The following VCAN variants were observed in gnomAD, a reference collection of about 807,000 sequenced individuals.
VCAN encodes versican core protein.
In VCAN, 44 loss-of-function variants were observed where a neutral mutation model predicts 245.5. The ratio of observed to expected loss-of-function variants is 0.18; its 90% CI spans 0.14 to 0.23. The LOEUF (loss-of-function observed/expected upper bound fraction) is 0.23, where lower values mean the gene tolerates loss of function less well. VCAN is among the 10% of genes least tolerant of loss of function. VCAN has a pLI of 1.00. For missense variants in VCAN, 3,793 were observed against 4,057.9 expected (o/e 0.93, Z 1.77); for synonymous variants, 1,413 against 1,437.0 (o/e 0.98, Z 0.38).
At chr5:83,559,702 G>A (rs1364252267) in intron 12 of VCAN, among the ~76,000 whole-genome samples, 1 of 152,074 alleles carries the variant, frequency 6.6e-6, no homozygotes, top group African/African-American at 2.4e-5. Context: ...AGGCTCCTGT[G>A]AAATCAACTT....
chr5:83,541,516 C>G lies in VCAN; in HGVS notation c.8513C>G (p.Ser2838Cys), dbSNP rs1369489958. The change falls in exon 8 of 15, where the codon TCT becomes TGT. Residue 2838 changes from serine (S) to cysteine (C), a missense_variant. Ser to Cys is a moderately radical substitution (Grantham distance 112, BLOSUM62 -1). Coordinates refer to ENST00000265077, the MANE Select transcript of VCAN (RefSeq NM_004385.5). ...ACTATCTACTCAGGCAGTGAAGCCT[C>G]TGGACACACAGAGATCCCCCAGCCC... Reference protein sequence around the residue: ...PLTIYSGSEASGHTEIPQPSA... With the variant: ...PLTIYSGSEACGHTEIPQPSA... The G allele has an allele frequency of 5.6e-6, 9 of 1,614,032 alleles. No homozygotes were observed. Among genetic ancestry groups the G allele is most frequent in the Non-Finnish European group, 7.6e-6 (9 of 1,180,016 alleles).
At position 83,539,174 on chromosome 5, in the gene VCAN, A is replaced by T; in HGVS notation, c.6171A>T (p.Arg2057Ser). 2 of 1,614,022 alleles carry T rather than the reference A, an allele frequency of 1.2e-6. No individual in the cohort carries two copies. The highest frequency in any genetic ancestry group is 1.7e-6 in the Non-Finnish European group (2 of 1,179,968). Residue 2057 changes from arginine to serine, a missense_variant, in exon 8 of 15, where the codon AGA (arginine) becomes AGT (serine). Around this residue, in one of 5 missense-constraint regions of VCAN, gnomAD observed 3,182 missense variants for 3,250.3 expected, o/e 0.98. Coordinates refer to ENST00000265077, the MANE Select transcript of VCAN (RefSeq NM_004385.5). ...GTACTGTCAATGAAATTGATAGAAG[A>T]TCCACCATTTTACCAACAGCAGAAG... ...EVGTVNEIDR[R>S]STILPTAEVE... is the part of the protein sequence containing the mutation.
At position 83,540,871 on chromosome 5, in the gene VCAN, A is replaced by G. The variant is rs141356119; in HGVS notation, c.7868A>G (p.Tyr2623Cys). 4.9e-5 allele frequency: 79 copies of G among 1,614,018 alleles called. No individual in the cohort carries two copies. The Middle Eastern group carries it at 4.9e-4, about 10-fold the overall frequency. The change falls in exon 8 of 15, where the codon TAT (tyrosine) becomes TGT (cysteine). Residue 2623 changes from tyrosine to cysteine, a missense_variant. Physicochemically the swap from Tyr to Cys is radical, Grantham distance 194. This residue lies in a region of VCAN where 3,182 missense variants were observed against 3,250.3 expected (regional missense o/e 0.98). Coordinates refer to ENST00000265077, the MANE Select transcript of VCAN (RefSeq NM_004385.5). The part of the protein sequence containing the change: ...NDDSTQVQEI[Y>C]EAAVNLSLTE... Reference sequence around the variant, plus strand: ...GACAGCACTCAAGTTCAAGAGATCTATGAGGCAGCTGTCAACCTTTCTTTA... The same window carrying G: ...GACAGCACTCAAGTTCAAGAGATCTGTGAGGCAGCTGTCAACCTTTCTTTA...
chr5:83,473,278 C>T (rs1422323051), intron 1 of VCAN, among the ~76,000 whole-genome samples: 4 of 152,128 alleles, frequency 2.6e-5, no homozygotes, highest in African/African-American at 7.2e-5. Flanking sequence ...CAGAGGAGAG[C>T]GGGGTAGAAA....
chr5:83,515,587 T>C (rs1392294738), intron 6 of VCAN, among the ~76,000 whole-genome samples: 1 of 152,252 alleles, frequency 6.6e-6, no homozygotes. Context: ...TTTCTTGTTT[T>C]ACAGTTTCAA....
At chr5:83,475,088 C>T (rs985172301) in intron 1 of VCAN, among the ~76,000 whole-genome samples, 6 of 152,132 alleles carry the variant, frequency 3.9e-5, no homozygotes, top group African/African-American at 1.4e-4. Context: ...AAAGAGTTCG[C>T]CTGGAATGGC....
chr5:83,483,385 T>A, intron 1 of VCAN, 128 bp from the exon 2 acceptor site: 1 of 735,350 alleles, frequency 1.4e-6, no homozygotes, highest in Non-Finnish European at 2.4e-6. Flanking sequence ...AGGAGCTACT[T>A]CTTCTACTCT....
At chr5:83,577,769 G>A (rs1361583789) in intron 13 of VCAN, among the ~76,000 whole-genome samples, 1 of 152,112 alleles carries the variant, frequency 6.6e-6, no homozygotes, top group Non-Finnish European at 1.5e-5. Context: ...ATACACAAGT[G>A]TTCAAATGAA....
intron 1 of VCAN, among the ~76,000 whole-genome samples, chr5:83,483,100 T>G (rs1744666781): frequency 6.6e-6 from 1 of 152,220 alleles, no homozygotes; most frequent in South Asian, 2.1e-4. Flanking sequence ...CTTGCTCTAT[T>G]TATGATCAGC....
chr5:83,536,374 A>C (rs1746706964), intron 7 of VCAN: 1 of 152,152 alleles, frequency 6.6e-6, no homozygotes. Flanking sequence ...TCTCAGTGCC[A>C]CAGTAGGTAG....
chr5:83,576,814 C>T (rs767116566), intron 13 of VCAN, among the ~76,000 whole-genome samples: 3 of 152,084 alleles, frequency 2.0e-5, no homozygotes, highest in Non-Finnish European at 2.9e-5. Context: ...TTTTTTGATA[C>T]GTCTCTCTGA....
rs751835963 is a variant in VCAN, at chr5:83,521,445, C to G, written c.3139C>G (p.Pro1047Ala). 1.2e-6 allele frequency: 2 copies of G among 1,614,098 alleles called. No homozygotes were observed. The highest frequency in any genetic ancestry group is 2.2e-5 in the South Asian group (2 of 91,080). The stretch of plus-strand genomic sequence containing the variant: ...AGAACAGACTGCAGAGAAACCAGTT[C>G]CTGCTCTCAGTTCTACAGCTTGGAC... ...WKEQTAEKPV[P>A]ALSSTAWTPK... Residue 1047 changes from proline to alanine, a missense_variant, in exon 7 of 15, where the codon CCT becomes GCT. Pro to Ala is a conservative substitution (Grantham distance 27, BLOSUM62 -1). Around this residue, in one of 5 missense-constraint regions of VCAN, gnomAD observed 3,182 missense variants for 3,250.3 expected, o/e 0.98. Coordinates refer to ENST00000265077, the MANE Select transcript of VCAN (RefSeq NM_004385.5).
At chr5:83,483,044 A>G (rs1403324630) in intron 1 of VCAN, among the ~76,000 whole-genome samples, 1 of 152,212 alleles carries the variant, frequency 6.6e-6, no homozygotes, top group Non-Finnish European at 1.5e-5. Flanking sequence ...ACACTTGATG[A>G]AGATGTCTTT....
At position 83,538,647 on chromosome 5, in the gene VCAN, C is replaced by T; in HGVS notation, c.5644C>T (p.Pro1882Ser). 6.2e-7 allele frequency: 1 copy of T among 1,614,074 alleles called. No homozygotes were observed. The highest frequency in any genetic ancestry group is 8.5e-7 in the Non-Finnish European group (1 of 1,179,970). ...TGTGGAAACTACATTCTCCACTGAG[C>T]CAACAGGACTGGTTTTGAGTACAGT... ...PHVETTFSTE[P>S]TGLVLSTVMD... The change falls in exon 8 of 15, where the codon CCA (proline) becomes TCA (serine). Residue 1882 changes from proline (P) to serine (S), a missense_variant. This residue lies in a region of VCAN where 3,182 missense variants were observed against 3,250.3 expected (regional missense o/e 0.98). Transcript: ENST00000265077.
Position 83,522,076 on chromosome 5 carries a change from A to G in VCAN, c.3770A>G (p.His1257Arg), listed in dbSNP as rs2112413485. The G allele has an allele frequency of 6.2e-7, 1 of 1,614,026 alleles. No individual in the cohort carries two copies. Among genetic ancestry groups the G allele is most frequent in the African/African-American group, 1.3e-5 (1 of 75,064 alleles). Residue 1257 changes from histidine to arginine, a missense_variant, in exon 7 of 15, where the codon CAT (histidine) becomes CGT (arginine). Physicochemically the swap from His to Arg is conservative, Grantham distance 29 (BLOSUM62 0). Transcript: ENST00000265077. ...GTAATCATTGGAGAATCAACATCTCATGTTCCTCCCACTACCCTTGAAGAT... is the reference window on the plus strand; with the variant it reads ...GTAATCATTGGAGAATCAACATCTCGTGTTCCTCCCACTACCCTTGAAGAT... ...DMVIIGESTSHVPPTTLEDIV... is the reference protein window; with the variant it reads ...DMVIIGESTSRVPPTTLEDIV...
Position 83,541,932 on chromosome 5 carries a change from T to G in VCAN, c.8929T>G (p.Ser2977Ala). 1 of 1,614,082 alleles carries G rather than the reference T, an allele frequency of 6.2e-7. No homozygotes were observed. The highest frequency in any genetic ancestry group is 8.5e-7 in the Non-Finnish European group (1 of 1,179,982). Residue 2977 changes from serine (S) to alanine (A), a missense_variant, in exon 8 of 15, where the codon TCT becomes GCT. Ser to Ala is a moderately conservative substitution (Grantham distance 99). This residue lies in a region of VCAN where 3,182 missense variants were observed against 3,250.3 expected (regional missense o/e 0.98). Coordinates refer to ENST00000265077, the MANE Select transcript of VCAN (RefSeq NM_004385.5). Reference protein sequence around the residue: ...ELEGATQWPHSTSASATYGVE... With the variant: ...ELEGATQWPHATSASATYGVE... ...AGAAGGTGCTACACAGTGGCCACAC[T>G]CTACTTCTGCTTCTGCCACCTATGG... is the stretch of plus-strand genomic sequence containing the variant.
At chr5:83,528,588 TTCA>T (rs1240809658) in intron 7 of VCAN, among the ~76,000 whole-genome samples, 1 of 152,114 alleles carries the variant, frequency 6.6e-6, no homozygotes, top group Admixed American at 6.6e-5. Flanking sequence ...GCTTCAGTGA[TTCA>T]CACATTTTGA....
intron 10 of VCAN, among the ~76,000 whole-genome samples, chr5:83,550,346 A>G (rs1288414655): frequency 6.6e-6 from 1 of 152,128 alleles, no homozygotes; most frequent in Non-Finnish European, 1.5e-5. Flanking sequence ...TTTTTTTGTA[A>G]CCTCTTTAAA....
intron 6 of VCAN, among the ~76,000 whole-genome samples, chr5:83,513,280 G>C (rs1745726110): frequency 6.6e-6 from 1 of 152,158 alleles, no homozygotes; most frequent in Non-Finnish European, 1.5e-5. Flanking sequence ...CCAAGACAGA[G>C]TTAGGTTATG....
Sources: allele counts gnomAD v4.1 joint callset (sites outside exome capture counted in the v4.1 genomes callset), GRCh38; gene constraint gnomAD v4.1.1; regional missense constraint gnomAD v4.1.1; transcripts MANE v1.5; gene names NCBI Gene and HGNC (gene_info 2026-07-23, HGNC 2026-07-21).